ZRANB3: variants seen among roughly 807,000 people sequenced by gnomAD.
ZRANB3 encodes the protein zinc finger RANBP2-type containing 3.
In ZRANB3, 125 loss-of-function variants were observed where a neutral mutation model predicts 133.8. The observed-to-expected ratio is 0.93, with a 90% CI of 0.81 to 1.08. The LOEUF is 1.08. Ranked by LOEUF, ZRANB3 falls within the 50% of genes least tolerant of loss-of-function variation. The pLI, the probability that ZRANB3 is intolerant of heterozygous loss-of-function variation, is 0.00. For synonymous variants in ZRANB3, 387 were observed against 432.7 expected (o/e 0.89, Z 1.31); for missense variants, 1,229 against 1,275.5 (o/e 0.96, Z 0.56).
chr2:135,286,439 G>A (rs529510614), intron 8 of ZRANB3, among the ~76,000 whole-genome samples: 6 of 152,130 alleles, frequency 3.9e-5, no homozygotes, highest in South Asian at 2.1e-4. Flanking sequence ...CACTACACCC[G>A]GCTAATTTTT....
At position 135,526,860 on chromosome 2, in the gene ZRANB3, G is replaced by C. The variant is rs186573854; in HGVS notation, c.-8+4267C>G. On this transcript the variant is annotated intron_variant, in intron 1 of 20. Coordinates refer to ENST00000264159, the MANE Select transcript of ZRANB3 (RefSeq NM_032143.4). ...GAGCTTCCTCTGTACAATAAAACTT[G>C]GTCTCCACAATCCTTTATCTTTAAC... Among the ~76,000 whole-genome samples, 109 of 152,192 alleles carry C rather than the reference G, an allele frequency of 7.2e-4. 1 individual carries two copies. The highest frequency in any genetic ancestry group is 6.6e-4 in the Non-Finnish European group (45 of 68,000).
At chr2:135,237,986 T>G (rs1245239309) in intron 12 of ZRANB3, among the ~76,000 whole-genome samples, 1 of 152,202 alleles carries the variant, frequency 6.6e-6, no homozygotes, top group African/African-American at 2.4e-5. Flanking sequence ...GACAGCTTCT[T>G]TAGTAGACAC....
chr2:135,381,790 T>C (rs1686711601), intron 3 of ZRANB3, among the ~76,000 whole-genome samples: 1 of 152,062 alleles, frequency 6.6e-6, no homozygotes, highest in African/African-American at 2.4e-5. Context: ...GTCCTGACTG[T>C]TAGAAGGAAA....
chr2:135,288,277 T>C (rs1210380655), intron 8 of ZRANB3, among the ~76,000 whole-genome samples: 1 of 152,198 alleles, frequency 6.6e-6, no homozygotes, highest in Non-Finnish European at 1.5e-5. Context: ...ATCCCTAATA[T>C]GAAACCCACT....
intron 2 of ZRANB3, among the ~76,000 whole-genome samples, chr2:135,401,736 A>G (rs1262736559): frequency 1.3e-5 from 2 of 152,236 alleles, no homozygotes; most frequent in Non-Finnish European, 2.9e-5. Context: ...TAGGCAGAAA[A>G]GGACAAGAAG....
intron 12 of ZRANB3, among the ~76,000 whole-genome samples, chr2:135,243,856 G>A (rs1695663502): frequency 6.6e-6 from 1 of 151,952 alleles, no homozygotes; most frequent in Admixed American, 6.6e-5. Context: ...CTGGGCTCAA[G>A]CGATCCTTCT....
At chr2:135,494,399 G>A (rs1405290047) in intron 2 of ZRANB3, among the ~76,000 whole-genome samples, 1 of 151,204 alleles carries the variant, frequency 6.6e-6, no homozygotes, top group African/African-American at 2.4e-5. Context: ...GAGAGGAAAG[G>A]AGCAGAAGGG....
chr2:135,257,482 G>A (rs1292489447), intron 12 of ZRANB3, among the ~76,000 whole-genome samples: 7 of 152,146 alleles, frequency 4.6e-5, no homozygotes, highest in Non-Finnish European at 1.0e-4. Flanking sequence ...GTGACTTTAT[G>A]TCTAACATGT....
chr2:135,250,353 G>T (rs1237067597), intron 12 of ZRANB3, among the ~76,000 whole-genome samples: 1 of 152,222 alleles, frequency 6.6e-6, no homozygotes. Flanking sequence ...AAAATTTGCA[G>T]CCTGACTATG....
rs186615522 is a variant in ZRANB3 at position 135,420,211 on chromosome 2, G to C, written c.162-29391C>G. ...TTGCCAGTATCTGGGGCACTCCTGA[G>C]GAATAGGGATTAGAGAGAGACTTTC... On this transcript the variant is annotated intron_variant, in intron 2 of 20. Transcript: ENST00000264159. Among the ~76,000 whole-genome samples the C allele has an allele frequency of 1.7e-3, 247 of 149,628 alleles. 1 individual carries two copies. The Middle Eastern group carries it at 0.038, about 23-fold the overall frequency.
chr2:135,457,380 A>G (rs1303225236), intron 2 of ZRANB3, among the ~76,000 whole-genome samples: 2 of 152,168 alleles, frequency 1.3e-5, no homozygotes, highest in East Asian at 3.8e-4. Context: ...GAACTAGCAA[A>G]CTGTTTTTCA....
chr2:135,406,240 T>C (rs982641656), intron 2 of ZRANB3, among the ~76,000 whole-genome samples: 3 of 152,152 alleles, frequency 2.0e-5, no homozygotes, highest in Non-Finnish European at 4.4e-5. Flanking sequence ...GATAAATTCC[T>C]TGACACATAC....
intron 1 of ZRANB3, among the ~76,000 whole-genome samples, chr2:135,516,816 C>A (rs1693717549): frequency 6.6e-6 from 1 of 152,122 alleles, no homozygotes; most frequent in South Asian, 2.1e-4. Flanking sequence ...TGAATGTTGG[C>A]CTGTCTTGCT....
In ZRANB3 at chr2:135,493,125, AT is replaced by A. The variant is rs1692474795; in HGVS notation, c.161+11203del. Among the ~76,000 whole-genome samples, 3 of 23,762 alleles carry A rather than the reference AT, an allele frequency of 1.3e-4. No individual in the cohort carries two copies. In the South Asian group the frequency reaches 5.8e-3, roughly 46 times the overall value. The allele number at this position is 23,762 out of a possible 152,430, so 15.6% of individuals were successfully genotyped here. A position where few individuals can be genotyped will look rare whatever the true frequency, so the allele number is the denominator to read the frequency against. The stretch of plus-strand genomic sequence containing the variant: ...TATATATATATATATATATATATAT[AT>A]ATATATATATATATATATATATATA... On this transcript the variant is annotated intron_variant, in intron 2 of 20. Coordinates refer to ENST00000264159, the MANE Select transcript of ZRANB3 (RefSeq NM_032143.4).
At chr2:135,202,777 A>G (rs1693676639) in intron 20 of ZRANB3, 55 bp downstream of exon 20, 1 of 1,546,788 alleles carries the variant, frequency 6.5e-7, no homozygotes, top group Non-Finnish European at 8.8e-7. Flanking sequence ...TGTGTGCACA[A>G]TTTTCCATTT....
At chr2:135,440,391 A>G (rs896963566) in intron 2 of ZRANB3, among the ~76,000 whole-genome samples, 1 of 151,914 alleles carries the variant, frequency 6.6e-6, no homozygotes, top group African/African-American at 2.4e-5. Context: ...AGAGCAAGGA[A>G]GGCTCTGTCT....
chr2:135,496,156 G>A (rs1187594092), intron 2 of ZRANB3, among the ~76,000 whole-genome samples: 1 of 152,074 alleles, frequency 6.6e-6, no homozygotes, highest in African/African-American at 2.4e-5. Context: ...GCCAAGGCGG[G>A]TGGATCACCT....
At chr2:135,274,453 C>T (rs549602821) in intron 9 of ZRANB3, among the ~76,000 whole-genome samples, 1 of 152,260 alleles carries the variant, frequency 6.6e-6, no homozygotes, top group South Asian at 2.1e-4. Context: ...CTCTATGTCA[C>T]CCACATTCAA....
rs185706853 is a variant in ZRANB3, at chr2:135,408,383, T to G, written c.162-17563A>C. On this transcript the variant is annotated intron_variant, in intron 2 of 20. Coordinates refer to ENST00000264159, the MANE Select transcript of ZRANB3 (RefSeq NM_032143.4). ...CACTTTTACACTGTTGGTGGGACTGTAAACTAGTTCAGCCATTGTGGAAAT... is the reference window on the plus strand; with the variant it reads ...CACTTTTACACTGTTGGTGGGACTGGAAACTAGTTCAGCCATTGTGGAAAT... 2.6e-3 allele frequency among the ~76,000 whole-genome samples: 399 copies of G among 152,268 alleles called. 1 individual carries two copies. Among genetic ancestry groups the G allele is most frequent in the African/African-American group, 8.7e-3 (362 of 41,542 alleles).
Sources: gnomAD v4.1 joint callset for allele counts (sites outside exome capture counted in the v4.1 genomes callset) on GRCh38, gnomAD v4.1.1 for gene constraint, MANE v1.5 for transcripts, NCBI Gene and HGNC (gene_info 2026-07-23, HGNC 2026-07-21) for gene names.